Variants in MSI2 observed in about 807,000 individuals in gnomAD.
The protein encoded by MSI2 is musashi RNA binding protein 2.
A neutral mutation model predicts 45.6 loss-of-function variants in MSI2; 17 were observed. The observed-to-expected ratio is 0.37, with a 90% CI of 0.26 to 0.56. The LOEUF is 0.56. Ranked by LOEUF, MSI2 falls within the 20% of genes least tolerant of loss-of-function variation. The pLI is 0.77. For synonymous variants in MSI2, 156 were observed against 158.2 expected (o/e 0.99, Z 0.11); for missense variants, 293 against 444.2 (o/e 0.66, Z 3.06).
chr17:57,502,602 G>GATATATAT (rs57142800), intron 6 of MSI2, among the ~76,000 whole-genome samples: 2,452 of 54,150 alleles, frequency 0.045, 195 homozygotes, highest in Middle Eastern at 0.065. Flanking sequence ...ATGACTCTGA[G>GATATATAT]ATATATATAT....
intron 10 of MSI2, among the ~76,000 whole-genome samples, chr17:57,651,319 C>T (rs1200806499): frequency 6.6e-6 from 1 of 152,172 alleles, no homozygotes; most frequent in Non-Finnish European, 1.5e-5. Context: ...CCAGTGCCAG[C>T]TTCATCTAGA....
intron 8 of MSI2, among the ~76,000 whole-genome samples, chr17:57,614,661 C>G (rs1907505098): frequency 6.6e-6 from 1 of 152,242 alleles, no homozygotes; most frequent in South Asian, 2.1e-4. Flanking sequence ...AACATCCCAT[C>G]TTCATCAGCA....
In MSI2 at chr17:57,419,639, G is replaced by T. The variant is rs142693020; in HGVS notation, c.405+18168G>T. Among the ~76,000 whole-genome samples, 77 of 152,050 alleles carry T rather than the reference G, an allele frequency of 5.1e-4. 1 individual carries two copies. In the East Asian group the frequency reaches 0.014, roughly 28 times the overall value. ...TCCACCCACCTCAGCCTCCCAAAGT[G>T]CAGGGATTACAGGCATGAGCCACTG... On this transcript the variant is annotated intron_variant, in intron 6 of 13. Transcript: ENST00000284073.
At chr17:57,469,743 A>G (rs989937942) in intron 6 of MSI2, among the ~76,000 whole-genome samples, 1 of 152,244 alleles carries the variant, frequency 6.6e-6, no homozygotes, top group Non-Finnish European at 1.5e-5. Flanking sequence ...GAGAGAGGGC[A>G]CATCTCCAGT....
intron 6 of MSI2, among the ~76,000 whole-genome samples, chr17:57,486,270 A>G (rs1016520049): frequency 3.9e-5 from 6 of 152,236 alleles, no homozygotes; most frequent in Admixed American, 6.5e-5. Flanking sequence ...AGAACCAGAA[A>G]TGAATTTACA....
chr17:57,435,941 T>G (rs142590141), intron 6 of MSI2, among the ~76,000 whole-genome samples: 23 of 152,284 alleles, frequency 1.5e-4, no homozygotes, highest in African/African-American at 5.5e-4. Flanking sequence ...AAACTGAAGC[T>G]CTGAGAGGTT....
intron 6 of MSI2, among the ~76,000 whole-genome samples, chr17:57,502,190 A>C (rs943107761): frequency 4.7e-4 from 72 of 152,256 alleles, no homozygotes; most frequent in African/African-American, 1.7e-3. Context: ...GAATCACGTT[A>C]ACATTTATGG....
At chr17:57,491,706 C>T (rs954694846) in intron 6 of MSI2, among the ~76,000 whole-genome samples, 20 of 152,144 alleles carry the variant, frequency 1.3e-4, no homozygotes, top group African/African-American at 4.1e-4. Context: ...GGAATCATTG[C>T]GCCTTCCTGC....
intron 5 of MSI2, among the ~76,000 whole-genome samples, chr17:57,397,397 T>C (rs1448597654): frequency 6.6e-6 from 1 of 152,216 alleles, no homozygotes; most frequent in Non-Finnish European, 1.5e-5. Context: ...GGACTGGAGT[T>C]GACCCAAACA....
At chr17:57,622,238 C>A (rs1010635244) in intron 9 of MSI2, among the ~76,000 whole-genome samples, 20 of 152,240 alleles carry the variant, frequency 1.3e-4, no homozygotes, top group East Asian at 3.9e-4. Flanking sequence ...CTCGTGCAGC[C>A]CCTCAGACTT....
chr17:57,421,436 T>C (rs1019453461), intron 6 of MSI2, among the ~76,000 whole-genome samples: 4 of 152,174 alleles, frequency 2.6e-5, no homozygotes, highest in Admixed American at 6.5e-5. Context: ...AGGTTTTTCC[T>C]GAAGGTGGCA....
Position 57,589,815 on chromosome 17 carries a change from C to T in MSI2, c.455-7053C>T, listed in dbSNP as rs1439771428. ...TGCCTCTGGTTTAGCGGCCATGTCA[C>T]GATGGATGAGTCACTGAACTGTGCA... On this transcript the variant is annotated intron_variant, in intron 7 of 13. Transcript: ENST00000284073. 5.3e-5 allele frequency among the ~76,000 whole-genome samples: 8 copies of T among 152,186 alleles called. No individual in the cohort carries two copies. In the East Asian group the frequency reaches 1.2e-3, roughly 22 times the overall value.
At chr17:57,500,978 G>T (rs4793858) in intron 6 of MSI2, among the ~76,000 whole-genome samples, 134,000 of 151,690 alleles carry the variant, frequency 0.88, 59,451 homozygotes, top group African/African-American at 0.97. Flanking sequence ...AAAAAAAAAT[G>T]AACCAATATG....
At chr17:57,393,338 G>A (rs932059898) in intron 5 of MSI2, among the ~76,000 whole-genome samples, 15 of 152,250 alleles carry the variant, frequency 9.9e-5, no homozygotes, top group South Asian at 2.1e-4. Flanking sequence ...AAACACTTCC[G>A]GTTCCACACA....
chr17:57,274,463 G>A (rs186314768), intron 5 of MSI2: 25 of 152,316 alleles, frequency 1.6e-4, no homozygotes, highest in East Asian at 7.7e-4. Flanking sequence ...ACATAATAAA[G>A]TGTTTAGAAT....
intron 7 of MSI2, among the ~76,000 whole-genome samples, chr17:57,589,506 T>C (rs984129337): frequency 3.9e-5 from 6 of 152,196 alleles, no homozygotes; most frequent in Non-Finnish European, 7.3e-5. Flanking sequence ...AAACCTGCCA[T>C]AGCTCATGGA....
chr17:57,378,404 C>T (rs2144009906), intron 5 of MSI2, among the ~76,000 whole-genome samples: 1 of 152,252 alleles, frequency 6.6e-6, no homozygotes, highest in East Asian at 1.9e-4. Context: ...GCTGGGATTA[C>T]AGGCGAACGC....
At chr17:57,385,514 G>T (rs951355494) in intron 5 of MSI2, among the ~76,000 whole-genome samples, 2 of 152,174 alleles carry the variant, frequency 1.3e-5, no homozygotes, top group African/African-American at 2.4e-5. Context: ...AGTCAGGCAT[G>T]GTGGCACATG....
intron 6 of MSI2, among the ~76,000 whole-genome samples, chr17:57,494,944 T>A (rs888113): frequency 0.9 from 136,775 of 152,138 alleles, 61,528 homozygotes; most frequent in African/African-American, 0.93. Flanking sequence ...AAAATTACAT[T>A]GCACAATTAG....
Sources: gnomAD v4.1 joint callset for allele counts (sites outside exome capture counted in the v4.1 genomes callset) on GRCh38, gnomAD v4.1.1 for gene constraint, MANE v1.5 for transcripts, NCBI Gene and HGNC (gene_info 2026-07-23, HGNC 2026-07-21) for gene names.